MGAM: variants seen among roughly 807,000 people sequenced by gnomAD.
MGAM encodes alpha-1,4-glucosidase.
Under a neutral mutation model 358.8 loss-of-function variants are expected in MGAM, and 253 were observed. The ratio of observed to expected loss-of-function variants is 0.71; its 90% CI spans 0.64 to 0.78. The LOEUF is 0.78. Among genes scored for constraint, MGAM ranks in the 30% least tolerant of loss-of-function variants. The pLI is 0.00. For synonymous variants in MGAM, 1,105 were observed against 1,227.1 expected, an observed-to-expected ratio of 0.90 and a Z score of 2.08; for missense variants, 3,080 against 3,432.6, an observed-to-expected ratio of 0.90 and a Z score of 2.57.
chr7:142,034,662 C>G lies in MGAM; in HGVS notation c.1788-8C>G. 1 of 1,611,936 alleles carries G rather than the reference C, an allele frequency of 6.2e-7. No homozygotes were observed. Among genetic ancestry groups the G allele is most frequent in the Non-Finnish European group, 8.5e-7 (1 of 1,178,758 alleles). On this transcript the variant is annotated splice_region_variant and splice_polypyrimidine_tract_variant and intron_variant, in intron 15 of 70. Coordinates refer to ENST00000475668, the MANE Select transcript of MGAM (RefSeq NM_001365693.1). ...CACATTGACTCCTTAAATCTCTCTC[C>G]CTTGCAGAGCTGCCAAGACTGTGTT... is the stretch of plus-strand genomic sequence containing the variant.
At position 142,078,247 on chromosome 7, in the gene MGAM, A is replaced by T. The variant is rs985604012; in HGVS notation, c.5494-71A>T. 27 of 1,163,176 alleles carry T rather than the reference A, an allele frequency of 2.3e-5. 2 individuals carry two copies. The Admixed American group carries it at 7.7e-4, about 33-fold the overall frequency. 72.1% of individuals were successfully genotyped at this position (1,163,176 alleles called of 1,614,324 possible). Reference sequence around the variant, plus strand: ...TTTGTTTTTCCAAAATAAATAAATAAATAAAGTCTTAGATTTTGCAAGGCC... The same window carrying T: ...TTTGTTTTTCCAAAATAAATAAATATATAAAGTCTTAGATTTTGCAAGGCC... On this transcript the variant is annotated intron_variant, in intron 47 of 70. Coordinates refer to ENST00000475668, the MANE Select transcript of MGAM (RefSeq NM_001365693.1).
intron 26 of MGAM, 99 bp downstream of exon 26, chr7:142,053,083 C>G: frequency 1.6e-6 from 2 of 1,248,914 alleles, no homozygotes; most frequent in Non-Finnish European, 2.3e-6. Flanking sequence ...GTTAATCATG[C>G]TACAACAGAC....
At chr7:142,038,911 T>C (rs1808254684) in intron 19 of MGAM, among the ~76,000 whole-genome samples, 1 of 152,126 alleles carries the variant, frequency 6.6e-6, no homozygotes. Flanking sequence ...TTCCTGACAC[T>C]GAGTGATTTA....
At position 142,100,793 on chromosome 7, in the gene MGAM, T is replaced by C. The variant is rs1816376294; in HGVS notation, c.7875-9T>C. The C allele has an allele frequency of 6.2e-7, 1 of 1,607,370 alleles. No individual in the cohort carries two copies. The highest frequency in any genetic ancestry group is 1.1e-5 in the South Asian group (1 of 89,382). ...TTTTAGCTAATGCCTCTCTGCCTGC[T>C]CACTGCAGCCGCCAGAAATTCATGG... On this transcript the variant is annotated splice_polypyrimidine_tract_variant and intron_variant, in intron 67 of 70. Coordinates refer to ENST00000475668, the MANE Select transcript of MGAM (RefSeq NM_001365693.1).
At chr7:142,104,131 C>T (rs972188798) in intron 70 of MGAM, among the ~76,000 whole-genome samples, 3 of 152,144 alleles carry the variant, frequency 2.0e-5, no homozygotes, top group African/African-American at 4.8e-5. Context: ...AGATTACAGG[C>T]GTGAGCCACT....
In MGAM at chr7:142,058,110, C is replaced by T; in HGVS notation, c.3694-93C>T. ...GGATTTCAATTAGTTAGTTGTCTAGCTTGGGGCACAGAAAAATATTCTTAT... is the reference window on the plus strand; with the variant it reads ...GGATTTCAATTAGTTAGTTGTCTAGTTTGGGGCACAGAAAAATATTCTTAT... On this transcript the variant is annotated intron_variant, in intron 30 of 70. Transcript: ENST00000475668. 1.9e-6 allele frequency: 3 copies of T among 1,576,510 alleles called. No homozygotes were observed. The Admixed American group carries it at 5.1e-5, about 27-fold the overall frequency.
In MGAM at chr7:142,018,937, G is replaced by A. The variant is rs533130748; in HGVS notation, c.328-262G>A. ...GTTTAGACTATTTAAATATATTTAT[G>A]AGTTTTTTTTTTTGTGATAAAAGTT... On this transcript the variant is annotated intron_variant, in intron 3 of 70. Transcript: ENST00000475668. Among the ~76,000 whole-genome samples the A allele has an allele frequency of 1.7e-3, 254 of 149,542 alleles. 1 individual carries two copies. Among genetic ancestry groups the A allele is most frequent in the Non-Finnish European group, 2.6e-3 (177 of 67,896 alleles).
At chr7:142,072,014 A>G (rs7794785) in intron 44 of MGAM, among the ~76,000 whole-genome samples, 14,013 of 145,622 alleles carry the variant, frequency 0.096, 2,069 homozygotes, top group African/African-American at 0.23. Flanking sequence ...AGACTTTTTT[A>G]TGATACTAAT....
At chr7:142,044,336 A>C (rs186552368) in intron 21 of MGAM, among the ~76,000 whole-genome samples, 1 of 139,916 alleles carries the variant, frequency 7.1e-6, no homozygotes, top group African/African-American at 2.6e-5. Context: ...ATAATATATA[A>C]TATATATATA....
At chr7:142,053,213 A>G (rs1177930691) in intron 26 of MGAM, among the ~76,000 whole-genome samples, 1 of 152,166 alleles carries the variant, frequency 6.6e-6, no homozygotes, top group Non-Finnish European at 1.5e-5. Context: ...GAGCAAGAGT[A>G]GGTACGGAGA....
chr7:142,030,270 T>A, intron 10 of MGAM, 92 bp from the exon 11 acceptor site: 2 of 1,300,580 alleles, frequency 1.5e-6, no homozygotes, highest in Non-Finnish European at 2.1e-6. Flanking sequence ...CAGAACAGAG[T>A]TGTTTATCCT....
chr7:142,093,586 C>T (rs1290060351), intron 60 of MGAM, 36 bp downstream of exon 60: 2 of 1,483,486 alleles, frequency 1.3e-6, no homozygotes, highest in Admixed American at 4.1e-5. Flanking sequence ...CTGTCACAAC[C>T]TGTAGGGATT....
In MGAM at chr7:142,084,681, A is replaced by C. The variant is rs759616311; in HGVS notation, c.6507+37A>C. 7 of 1,541,750 alleles carry C rather than the reference A, an allele frequency of 4.5e-6. No homozygotes were observed. In the African/African-American group the frequency reaches 9.4e-5, roughly 21 times the overall value. On this transcript the variant is annotated intron_variant, in intron 54 of 70. Coordinates refer to ENST00000475668, the MANE Select transcript of MGAM (RefSeq NM_001365693.1). Reference sequence around the variant, plus strand: ...GTCATGGCTCTGGAGTTTGAAAACTAACCCAGGTGCCTCTGTGTCTGGCTT... The same window carrying C: ...GTCATGGCTCTGGAGTTTGAAAACTCACCCAGGTGCCTCTGTGTCTGGCTT...
rs779950252 is a variant in MGAM at position 142,089,160 on chromosome 7, G to A, written c.6810+2443G>A. 4.1e-5 allele frequency among the ~76,000 whole-genome samples: 6 copies of A among 145,950 alleles called. 3 individuals carry two copies. In the East Asian group the frequency reaches 1.2e-3, roughly 29 times the overall value. On this transcript the variant is annotated intron_variant, in intron 57 of 70. Transcript: ENST00000475668. ...ACCTGCCCAGCCAGAGAAGTTCTGG[G>A]TCATGGGCTTCCTGACTTTTATCAA...
intron 7 of MGAM, 42 bp from the exon 8 acceptor site, chr7:142,025,008 C>T (rs782311799): frequency 1.4e-6 from 2 of 1,435,568 alleles, no homozygotes; most frequent in Non-Finnish European, 2.0e-6. Flanking sequence ...GATGCTGAGA[C>T]TTCTTAGTTG....
intron 64 of MGAM, 39 bp downstream of exon 64, chr7:142,095,752 C>T: frequency 1.2e-6 from 2 of 1,606,334 alleles, no homozygotes; most frequent in Non-Finnish European, 1.7e-6. Flanking sequence ...TAATGGATGA[C>T]TTATTGCATT....
rs1810285456 is a variant in MGAM, at chr7:142,045,889, T to C, written c.2499-1896T>C. ...ATATACATACAATATGTAATATATATATTATGTATACATACAATATGTAAT... is the reference window on the plus strand; with the variant it reads ...ATATACATACAATATGTAATATATACATTATGTATACATACAATATGTAAT... On this transcript the variant is annotated intron_variant, in intron 21 of 70. Transcript: ENST00000475668. Among the ~76,000 whole-genome samples the C allele has an allele frequency of 2.7e-5, 3 of 111,956 alleles. 1 individual carries two copies. Among genetic ancestry groups the C allele is most frequent in the Non-Finnish European group, 5.0e-5 (3 of 59,642 alleles). The allele number at this position is 111,956 out of a possible 152,430, so 73.4% of individuals were successfully genotyped here.
At chr7:142,039,421 C>T (rs1338152410) in intron 19 of MGAM, among the ~76,000 whole-genome samples, 1 of 151,956 alleles carries the variant, frequency 6.6e-6, no homozygotes, top group African/African-American at 2.4e-5. Flanking sequence ...TTTAAACAAC[C>T]AAATCTTACA....
chr7:142,004,633 T>G (rs1805005532), intron 1 of MGAM: 2 of 152,060 alleles, frequency 1.3e-5, no homozygotes, highest in South Asian at 4.1e-4. Flanking sequence ...TTCACCACTA[T>G]GCATATACAT....
Sources: allele counts gnomAD v4.1 joint callset (sites outside exome capture counted in the v4.1 genomes callset), GRCh38; gene constraint gnomAD v4.1.1; transcripts MANE v1.5; gene names NCBI Gene and HGNC (gene_info 2026-07-23, HGNC 2026-07-21).